Variants in OR2C1 observed in about 807,000 individuals in gnomAD.
OR2C1 encodes the protein olfactory receptor 2C1.
For synonymous variants in OR2C1, 209 were observed against 167.3 expected, an observed-to-expected ratio of 1.25 and a Z score of -1.92; for missense variants, 468 against 388.3, an observed-to-expected ratio of 1.21 and a Z score of -1.73.
chr16:3,351,136 A>G (rs1312272329), upstream of OR2C1, among the ~76,000 whole-genome samples: 1 of 150,764 alleles, frequency 6.6e-6, no homozygotes, highest in Non-Finnish European at 1.5e-5. Flanking sequence ...AATTTAATCA[A>G]TATTTTATCA....
At chr16:3,332,745 A>G in the OR2C1 span, among the ~76,000 whole-genome samples, 3 of 147,478 alleles carry the variant, frequency 2.0e-5, no homozygotes, top group Non-Finnish European at 4.5e-5. Flanking sequence ...ATGCACATAT[A>G]CATACACCAC....
upstream of OR2C1, chr16:3,355,857 C>T: frequency 1.1e-6 from 1 of 950,174 alleles, no homozygotes; most frequent in East Asian, 2.4e-5. Context: ...GATGCAAATC[C>T]ACCTCATCCA....
At chr16:3,348,899 A>G in the OR2C1 span, among the ~76,000 whole-genome samples, 1 of 144,466 alleles carries the variant, frequency 6.9e-6, no homozygotes, top group Non-Finnish European at 1.5e-5. Context: ...GAACCAGAGA[A>G]CTGGGACTCC....
chr16:3,343,167 A>G, the OR2C1 span, among the ~76,000 whole-genome samples: 8 of 152,180 alleles, frequency 5.3e-5, no homozygotes, highest in African/African-American at 1.9e-4. Flanking sequence ...AGTGGCAGAT[A>G]CACAGACCTA....
chr16:3,335,295 T>A, the OR2C1 span, among the ~76,000 whole-genome samples: 4 of 152,308 alleles, frequency 2.6e-5, no homozygotes, highest in Admixed American at 2.0e-4. Flanking sequence ...CAATTTTAAA[T>A]CTTCCAATAC....
At chr16:3,338,961 A>G in the OR2C1 span, among the ~76,000 whole-genome samples, 1 of 152,206 alleles carries the variant, frequency 6.6e-6, no homozygotes, top group Non-Finnish European at 1.5e-5. Flanking sequence ...GTTCCAAAAT[A>G]TTTTAATCAC....
chr16:3,351,226 C>CTTTTTTTTTTTTTTTTTTTTT (rs146153498), upstream of OR2C1, among the ~76,000 whole-genome samples: 3 of 13,272 alleles, frequency 2.3e-4, no homozygotes, highest in Non-Finnish European at 2.2e-4. Flanking sequence ...TTTTCTTTTT[C>CTTTTTTTTTTTTTTTTTTTTT]TTTTTTTTTT....
chr16:3,343,113 C>G, the OR2C1 span, among the ~76,000 whole-genome samples: 2 of 152,112 alleles, frequency 1.3e-5, no homozygotes, highest in African/African-American at 4.8e-5. Context: ...AAAGGGCAAA[C>G]TGAGTGGTCT....
At chr16:3,334,251 C>T in the OR2C1 span, among the ~76,000 whole-genome samples, 2 of 151,658 alleles carry the variant, frequency 1.3e-5, no homozygotes, top group African/African-American at 4.8e-5. Context: ...GATTCTCCCG[C>T]CTCAGCCTCC....
At position 3,356,243 on chromosome 16, in the gene OR2C1, C is replaced by G; in HGVS notation, c.303C>G (p.Leu101=). 6.2e-7 allele frequency: 1 copy of G among 1,614,160 alleles called. No homozygotes were observed. The highest frequency in any genetic ancestry group is 8.5e-7 in the Non-Finnish European group (1 of 1,180,054). ...TISYGGCITQ[L]YVFLWLGATE... is the part of the protein sequence containing the mutation. ...GCTATGGTGGCTGCATAACCCAGCT[C>G]TATGTCTTCCTTTGGCTGGGGGCCA... Residue 101 remains leucine, a synonymous_variant, in exon 1 of 1, where the codon CTC becomes CTG. Transcript: ENST00000304936.
At chr16:3,325,461 A>AAATC in the OR2C1 span, among the ~76,000 whole-genome samples, 49 of 76,616 alleles carry the variant, frequency 6.4e-4, no homozygotes, top group African/African-American at 1.6e-3. Context: ...ATGTCTAAAA[A>AAATC]TATATATATA....
chr16:3,352,495 T>A (rs970218703), upstream of OR2C1, among the ~76,000 whole-genome samples: 2 of 152,228 alleles, frequency 1.3e-5, no homozygotes, highest in African/African-American at 4.8e-5. Flanking sequence ...TGAATGTTTT[T>A]AAACTTACTG....
At chr16:3,337,299 T>C in the OR2C1 span, among the ~76,000 whole-genome samples, 3 of 151,726 alleles carry the variant, frequency 2.0e-5, no homozygotes, top group Non-Finnish European at 2.9e-5. Context: ...GGATTACCAG[T>C]GAGGGCCACC....
chr16:3,326,509 T>C, the OR2C1 span, among the ~76,000 whole-genome samples: 161 of 152,292 alleles, frequency 1.1e-3, no homozygotes, highest in Non-Finnish European at 1.7e-3. Context: ...AACTAGAAGC[T>C]TTACACTTGG....
chr16:3,323,697 G>T, the OR2C1 span: 1 of 684,564 alleles, frequency 1.5e-6, no homozygotes, highest in South Asian at 1.6e-5. Context: ...TCCAAGGCAC[G>T]AGGTTTCATT....
chr16:3,356,658 A>G lies in OR2C1; in HGVS notation c.718A>G (p.Thr240Ala). The G allele has an allele frequency of 6.2e-7, 1 of 1,614,134 alleles. No individual in the cohort carries two copies. Among genetic ancestry groups the G allele is most frequent in the Non-Finnish European group, 8.5e-7 (1 of 1,180,026 alleles). The change falls in exon 1 of 1, where the codon ACG becomes GCG. Residue 240 changes from threonine (T) to alanine (A), a missense_variant. Physicochemically the swap from Thr to Ala is moderately conservative, Grantham distance 58 (BLOSUM62 0). Coordinates refer to ENST00000304936, the MANE Select transcript of OR2C1 (RefSeq NM_012368.3). ...SAEGRRKAFN[T>A]CLSHLLVVFL... ...AGAGGGGAGGCGAAAGGCGTTCAATACGTGCCTCTCCCATCTGCTGGTGGT... is the reference window on the plus strand; with the variant it reads ...AGAGGGGAGGCGAAAGGCGTTCAATGCGTGCCTCTCCCATCTGCTGGTGGT...
chr16:3,352,988 C>T (rs765140255), upstream of OR2C1, among the ~76,000 whole-genome samples: 25 of 151,604 alleles, frequency 1.6e-4, no homozygotes, highest in Non-Finnish European at 3.2e-4. Context: ...AGTGATCTGC[C>T]TGCCTCGGCC....
chr16:3,333,376 G>T, the OR2C1 span, among the ~76,000 whole-genome samples: 1 of 151,754 alleles, frequency 6.6e-6, no homozygotes, highest in East Asian at 1.9e-4. Context: ...TCCCTCTGTT[G>T]CCCAGGCTGG....
the OR2C1 span, among the ~76,000 whole-genome samples, chr16:3,335,649 C>G: frequency 1.3e-5 from 2 of 151,486 alleles, no homozygotes; most frequent in Non-Finnish European, 2.9e-5. Context: ...GCCTCAGCCT[C>G]CCCAGTAGCT....
Sources: gnomAD v4.1 joint callset for allele counts (sites outside exome capture counted in the v4.1 genomes callset) on GRCh38, gnomAD v4.1.1 for gene constraint, MANE v1.5 for transcripts, NCBI Gene and HGNC (gene_info 2026-07-23, HGNC 2026-07-21) for gene names.